The following PCDHA4 variants were observed in gnomAD, a reference collection of about 807,000 sequenced individuals.
The protein encoded by PCDHA4 is protocadherin alpha-4.
In PCDHA4, 49 loss-of-function variants were observed where a neutral mutation model predicts 61.4. That is an observed-to-expected ratio of 0.80 (90% CI 0.63 to 1.01). The LOEUF is 1.01. Ranked by LOEUF, PCDHA4 falls within the 50% of genes least tolerant of loss-of-function variation. The pLI is 0.00. For missense variants in PCDHA4, 1,254 were observed against 1,235.8 expected, an observed-to-expected ratio of 1.01 and a Z score of -0.22; for synonymous variants, 590 against 550.3, an observed-to-expected ratio of 1.07 and a Z score of -1.01.
chr5:140,883,119 C>T, intron 1 of PCDHA4: 1 of 1,613,998 alleles, frequency 6.2e-7, no homozygotes, highest in Non-Finnish European at 8.5e-7. Context: ...TTTAGAAGGC[C>T]TGTATGGCCT....
chr5:140,874,304 A>G (rs559038069), intron 1 of PCDHA4, among the ~76,000 whole-genome samples: 1 of 152,234 alleles, frequency 6.6e-6, no homozygotes, highest in African/African-American at 2.4e-5. Flanking sequence ...ACTTGTTCAC[A>G]ATGAGTTGTA....
intron 1 of PCDHA4, chr5:140,851,286 C>T (rs956539821): frequency 9.6e-7 from 1 of 1,038,578 alleles, no homozygotes; most frequent in South Asian, 4.4e-5. Context: ...TATAAGAAAC[C>T]CAAGCAAAAA....
intron 1 of PCDHA4, among the ~76,000 whole-genome samples, chr5:140,900,093 C>T (rs559553399): frequency 1.6e-4 from 24 of 152,202 alleles, no homozygotes; most frequent in Middle Eastern, 3.4e-3. Flanking sequence ...TACAAGCATG[C>T]GCCACCATAC....
Position 140,843,020 on chromosome 5 carries a change from G to A in PCDHA4, c.2385+33448G>A, listed in dbSNP as rs142550829. ...GAATGACAACGCGCCGGCACTGCTG[G>A]AGCCTCGGGTGGGTGGCACTGGTGG... On this transcript the variant is annotated intron_variant, in intron 1 of 3. Transcript: ENST00000530339. 14 of 1,595,174 alleles carry A rather than the reference G, an allele frequency of 8.8e-6. 2 individuals carry two copies. In the African/African-American group the frequency reaches 1.7e-4, roughly 20 times the overall value.
intron 1 of PCDHA4, chr5:140,843,377 G>C (rs375387773): frequency 1.3e-6 from 2 of 1,596,146 alleles, no homozygotes; most frequent in Non-Finnish European, 1.7e-6. Flanking sequence ...GTCGGCTGGC[G>C]TTTTGGGTCC....
chr5:140,834,637 T>C lies in PCDHA4; in HGVS notation c.2385+25065T>C, dbSNP rs2150223178. 78 of 1,614,168 alleles carry C rather than the reference T, an allele frequency of 4.8e-5. No individual in the cohort carries two copies. The highest frequency in any genetic ancestry group is 1.7e-4 in the Middle Eastern group (1 of 6,058). ...GTAAATCTGCAGAATGGCATTTTGTTTGTGAATTCTCGGATCGACCGCGAG... is the reference window on the plus strand; with the variant it reads ...GTAAATCTGCAGAATGGCATTTTGTCTGTGAATTCTCGGATCGACCGCGAG... On this transcript the variant is annotated intron_variant, in intron 1 of 3. Transcript: ENST00000530339.
intron 3 of PCDHA4, among the ~76,000 whole-genome samples, chr5:141,007,259 G>A (rs2098311634): frequency 6.6e-6 from 1 of 151,998 alleles, no homozygotes; most frequent in Non-Finnish European, 1.5e-5. Flanking sequence ...GTTAAAAGAA[G>A]CAGATACAGG....
intron 1 of PCDHA4, chr5:140,823,218 G>T (rs2150123612): frequency 6.2e-7 from 1 of 1,613,766 alleles, no homozygotes; most frequent in Non-Finnish European, 8.5e-7. Context: ...CACGGGACGC[G>T]GACGCGCAGG....
At chr5:140,997,335 A>G (rs2097768018) in intron 3 of PCDHA4, among the ~76,000 whole-genome samples, 1 of 152,230 alleles carries the variant, frequency 6.6e-6, no homozygotes, top group African/African-American at 2.4e-5. Context: ...TTCGTTGTAC[A>G]AATATCATAG....
chr5:140,879,844 C>CCCATCTCAG (rs1554171035), intron 1 of PCDHA4, among the ~76,000 whole-genome samples: 1 of 152,194 alleles, frequency 6.6e-6, no homozygotes, highest in Admixed American at 6.5e-5. Flanking sequence ...CTGTACCACT[C>CCCATCTCAG]CCATCTCAGC....
chr5:140,953,131 C>T (rs1554220819), intron 1 of PCDHA4, among the ~76,000 whole-genome samples: 1 of 152,158 alleles, frequency 6.6e-6, no homozygotes, highest in African/African-American at 2.4e-5. Context: ...TAAACCGTAT[C>T]ACTGTTATAT....
rs2149996852 is a variant in PCDHA4 at position 140,807,372 on chromosome 5, G to T, written c.185G>T (p.Arg62Leu). The T allele has an allele frequency of 6.2e-7, 1 of 1,607,576 alleles. No homozygotes were observed. Among genetic ancestry groups the T allele is most frequent in the East Asian group, 2.2e-5 (1 of 44,642 alleles). Residue 62 changes from arginine (R) to leucine (L), a missense_variant, in exon 1 of 4, where the codon CGC becomes CTC. By Grantham distance (102) the Arg-to-Leu change is moderately radical. Transcript: ENST00000530339. ...LGLELAELVP[R>L]LFRVASKGRG... ...CTGGAGCTGGCGGAGCTGGTGCCGC[G>T]CCTGTTCCGGGTGGCGTCCAAGGGC... is the stretch of plus-strand genomic sequence containing the variant.
At chr5:140,809,734 A>AAT (rs1191296729) in intron 1 of PCDHA4, 162 bp downstream of exon 1, 21 of 734,044 alleles carry the variant, frequency 2.9e-5, no homozygotes, top group Non-Finnish European at 4.3e-5. Flanking sequence ...ACATCAGAGC[A>AAT]ATATATATTG....
chr5:140,861,487 G>A, intron 1 of PCDHA4: 1 of 490,310 alleles, frequency 2.0e-6, no homozygotes, highest in Non-Finnish European at 4.2e-6. Context: ...ATTTTTGTGA[G>A]TTCTCTGATA....
intron 1 of PCDHA4, chr5:140,882,580 C>T (rs371338305): frequency 1.2e-6 from 2 of 1,614,126 alleles, no homozygotes; most frequent in African/African-American, 2.7e-5. Context: ...AGTGCAGCAT[C>T]CACCTGGAGG....
At position 140,828,503 on chromosome 5, in the gene PCDHA4, C is replaced by G. The variant is rs1165644843; in HGVS notation, c.2385+18931C>G. ...CCCGCCCTTGTTCCCGGTAGAGGAA[C>G]AAAGAGTGCTGATTTACGAATCTAG... On this transcript the variant is annotated intron_variant, in intron 1 of 3. Coordinates refer to ENST00000530339, the MANE Select transcript of PCDHA4 (RefSeq NM_018907.4). 1.5e-5 allele frequency: 25 copies of G among 1,614,120 alleles called. No homozygotes were observed. In the Admixed American group the frequency reaches 3.7e-4, roughly 24 times the overall value.
chr5:140,883,184 G>T (rs1341554668), intron 1 of PCDHA4: 10 of 1,613,756 alleles, frequency 6.2e-6, no homozygotes, highest in Non-Finnish European at 8.5e-6. Flanking sequence ...TAGGACAAAA[G>T]GCAAACTAGA....
intron 1 of PCDHA4, among the ~76,000 whole-genome samples, chr5:140,833,088 A>G (rs1218866557): frequency 3.3e-5 from 5 of 152,214 alleles, no homozygotes; most frequent in Non-Finnish European, 7.3e-5. Flanking sequence ...TTTGAGTACT[A>G]GACGAGTAAT....
rs576274101 is a variant in PCDHA4 at position 140,846,411 on chromosome 5, A to C, written c.2385+36839A>C. On this transcript the variant is annotated intron_variant, in intron 1 of 3. Transcript: ENST00000530339. ...TTTTTTTGAGACGGAGTCTCGCTCTATCTCCCAGGCTGGAATGCAGTGGCG... is the reference window on the plus strand; with the variant it reads ...TTTTTTTGAGACGGAGTCTCGCTCTCTCTCCCAGGCTGGAATGCAGTGGCG... Among the ~76,000 whole-genome samples the C allele has an allele frequency of 2.7e-5, 3 of 109,350 alleles. 1 individual carries two copies. The South Asian group carries it at 8.0e-4, about 29-fold the overall frequency. The allele number at this position is 109,350 out of a possible 152,430, so 71.7% of individuals were successfully genotyped here.
Sources: gnomAD v4.1 joint callset for allele counts (sites outside exome capture counted in the v4.1 genomes callset) on GRCh38, gnomAD v4.1.1 for gene constraint, MANE v1.5 for transcripts, NCBI Gene and HGNC (gene_info 2026-07-23, HGNC 2026-07-21) for gene names.